The following TM2D2 variants were observed in gnomAD, a reference collection of about 807,000 sequenced individuals.
The protein encoded by TM2D2 is TM2 domain containing 2, also known as TM2 domain-containing protein 2.
Under a neutral mutation model 23.0 loss-of-function variants are expected in TM2D2, and 19 were observed. The observed-to-expected ratio is 0.82, with a 90% CI of 0.58 to 1.21. TM2D2 has a LOEUF of 1.21. Among genes scored for constraint, TM2D2 ranks in the 50% most tolerant of loss-of-function variants. The pLI is 0.00. For missense variants in TM2D2, 246 were observed against 265.4 expected, an observed-to-expected ratio of 0.93 and a Z score of 0.51; for synonymous variants, 120 against 108.8, an observed-to-expected ratio of 1.10 and a Z score of -0.64.
rs562768022 is a variant in TM2D2, at chr8:38,996,105, G to A, written c.227+108C>T. On this transcript the variant is annotated intron_variant, in intron 1 of 3. Coordinates refer to ENST00000456397, the MANE Select transcript of TM2D2 (RefSeq NM_078473.3). The stretch of plus-strand genomic sequence containing the variant: ...TTTGCCTCCGGAACGACCTCAGAGA[G>A]GCAGGGTCTGAAAAAATGCAGCGTC... The A allele has an allele frequency of 1.7e-5, 23 of 1,316,204 alleles. No homozygotes were observed. The South Asian group carries it at 2.9e-4, about 17-fold the overall frequency. The allele number at this position is 1,316,204 out of a possible 1,614,324, so 81.5% of individuals were successfully genotyped here. A position where few individuals can be genotyped will look rare whatever the true frequency, so the allele number is the denominator to read the frequency against.
chr8:38,995,845 G>A lies in TM2D2; in HGVS notation c.227+368C>T, dbSNP rs138485850. On this transcript the variant is annotated intron_variant, in intron 1 of 3. Transcript: ENST00000456397. ...TTTTTTAAAAGATGCCTTGTAGGCAGAGACAAGTCATTTACTCCATTTATG... is the reference window on the plus strand; with the variant it reads ...TTTTTTAAAAGATGCCTTGTAGGCAAAGACAAGTCATTTACTCCATTTATG... 19 of 1,158,582 alleles carry A rather than the reference G, an allele frequency of 1.6e-5. 1 individual carries two copies. The highest frequency in any genetic ancestry group is 6.8e-4 in the Middle Eastern group (2 of 2,932). The allele number at this position is 1,158,582 out of a possible 1,614,324, so 71.8% of individuals were successfully genotyped here.
At position 38,996,212 on chromosome 8, in the gene TM2D2, C is replaced by T. The variant is rs1472280855; in HGVS notation, c.227+1G>A. On this transcript the variant is annotated splice_donor_variant, in intron 1 of 3. Coordinates refer to ENST00000456397, the MANE Select transcript of TM2D2 (RefSeq NM_078473.3). LOFTEE classifies it high-confidence loss of function. The stretch of plus-strand genomic sequence containing the variant: ...ACCCGCCTCGACCACTGGTAGCTTA[C>T]AGGTAAGAGCAGAGGATGACCGGAG... 6.2e-7 allele frequency: 1 copy of T among 1,610,020 alleles called. No individual in the cohort carries two copies.
chr8:38,996,076 G>A, intron 1 of TM2D2, 137 bp downstream of exon 1: 3 of 1,059,474 alleles, frequency 2.8e-6, no homozygotes, highest in Non-Finnish European at 4.0e-6. Flanking sequence ...CCTGGTTCAT[G>A]ATATTTGCCT....
rs763781630 is a variant in TM2D2, at chr8:38,993,675, C to T, written c.316-15G>A. The T allele has an allele frequency of 9.4e-6, 15 of 1,597,974 alleles. No homozygotes were observed. Among genetic ancestry groups the T allele is most frequent in the Non-Finnish European group, 1.3e-5 (15 of 1,166,390 alleles). On this transcript the variant is annotated splice_polypyrimidine_tract_variant and intron_variant, in intron 2 of 3. Transcript: ENST00000456397. ...TGACCGCCGAACTGTGGAATAACAA[C>T]CAAGACCAAAACCAACTCACCAGAG...
At chr8:38,996,834 G>A (rs1835821227), upstream of TM2D2, 6 of 1,439,614 alleles carry the variant, frequency 4.2e-6, no homozygotes, top group Non-Finnish European at 4.5e-6. Flanking sequence ...CTATTCTCGC[G>A]CCGGGGACTG....
chr8:38,989,625 T>C lies in TM2D2; in HGVS notation c.*1707A>G, dbSNP rs1835545607. Reference sequence around the variant, plus strand: ...TTGCACCATTGCGCTGGCCCTAAAGTTTCTTATTTTTTAAAGAAAACAACT... The same window carrying C: ...TTGCACCATTGCGCTGGCCCTAAAGCTTCTTATTTTTTAAAGAAAACAACT... On this transcript the variant is annotated 3_prime_UTR_variant, in exon 4 of 4. Transcript: ENST00000456397. The C allele has an allele frequency of 6.6e-6, 1 of 152,168 alleles. No homozygotes were observed. Among genetic ancestry groups the C allele is most frequent in the African/African-American group, 2.4e-5 (1 of 41,426 alleles). 9.4% of individuals were successfully genotyped at this position (152,168 alleles called of 1,614,324 possible). A position where few individuals can be genotyped will look rare whatever the true frequency, so the allele number is the denominator to read the frequency against.
At chr8:38,992,458 C>A (rs1178210014) in intron 3 of TM2D2, among the ~76,000 whole-genome samples, 2 of 150,822 alleles carry the variant, frequency 1.3e-5, no homozygotes, top group African/African-American at 4.9e-5. Context: ...TACACTCCAG[C>A]CTGGGCAATG....
At chr8:38,992,513 A>G (rs1028926471) in intron 3 of TM2D2, among the ~76,000 whole-genome samples, 3 of 151,614 alleles carry the variant, frequency 2.0e-5, no homozygotes, top group Non-Finnish European at 2.9e-5. Context: ...GCATTTTTTT[A>G]TAATACACCC....
rs1835805816 is a variant in TM2D2 at position 38,996,501 on chromosome 8, C to G, written c.-62G>C. ...ACAACCCCAGGCCAGCAGCACAGAC[C>G]CAAGAACTGCGTGGTCAGGCCTTTC... is the stretch of plus-strand genomic sequence containing the variant. On this transcript the variant is annotated 5_prime_UTR_variant, in exon 1 of 4. Transcript: ENST00000456397. 6.3e-7 allele frequency: 1 copy of G among 1,595,978 alleles called. No homozygotes were observed. The highest frequency in any genetic ancestry group is 1.7e-5 in the Admixed American group (1 of 58,660).
intron 1 of TM2D2, 66 bp from the exon 2 acceptor site, chr8:38,995,471 C>G (rs770866861): frequency 6.3e-7 from 1 of 1,594,978 alleles, no homozygotes; most frequent in African/African-American, 1.4e-5. Context: ...TTTGCATGCA[C>G]GTAATCAAAA....
At chr8:38,992,391 T>C (rs1408541690) in intron 3 of TM2D2, among the ~76,000 whole-genome samples, 1 of 142,584 alleles carries the variant, frequency 7.0e-6, no homozygotes, top group Non-Finnish European at 1.5e-5. Context: ...GGTAGGAGGA[T>C]CGCTTGAGCC....
At position 38,996,467 on chromosome 8, in the gene TM2D2, G is replaced by T; in HGVS notation, c.-28C>A. 2.5e-6 allele frequency: 4 copies of T among 1,612,826 alleles called. No individual in the cohort carries two copies. Among genetic ancestry groups the T allele is most frequent in the Non-Finnish European group, 3.4e-6 (4 of 1,179,332 alleles). ...TCCCGGGCACAGGAGCGGAGACCCG[G>T]CCTCAACCACAACCCCAGGCCAGCA... On this transcript the variant is annotated 5_prime_UTR_variant, in exon 1 of 4. Coordinates refer to ENST00000456397, the MANE Select transcript of TM2D2 (RefSeq NM_078473.3).
chr8:38,991,913 C>A (rs577357279), intron 3 of TM2D2, among the ~76,000 whole-genome samples: 235 of 152,242 alleles, frequency 1.5e-3, no homozygotes, highest in African/African-American at 5.5e-3. Flanking sequence ...GTTTGAATAA[C>A]CTCAGCAGGC....
upstream of TM2D2, chr8:38,996,921 C>A: frequency 1.4e-6 from 2 of 1,394,314 alleles, no homozygotes; most frequent in Non-Finnish European, 1.9e-6. Context: ...GTCAGTGCCG[C>A]GCGCGTGCTC....
In TM2D2 at chr8:38,995,353, T is replaced by A; in HGVS notation, c.280A>T (p.Thr94Ser). The change falls in exon 2 of 4, where the codon ACT (threonine) becomes TCT (serine). Residue 94 changes from threonine to serine, a missense_variant. This residue lies in a region of TM2D2 where 212 missense variants were observed against 202.2 expected (regional missense o/e 1.05). Transcript: ENST00000456397. ...CCATAACCAAGTTCCTGGGATGCAG[T>A]TGCATTTCCAACATGATCCACTGGG... is the stretch of plus-strand genomic sequence containing the variant. ...EDPVDHVGNA[T>S]ASQELGYGCL... 6.2e-7 allele frequency: 1 copy of A among 1,605,696 alleles called. No homozygotes were observed. The highest frequency in any genetic ancestry group is 8.5e-7 in the Non-Finnish European group (1 of 1,177,466).
Position 38,989,745 on chromosome 8 carries a change from ATAATT to A in TM2D2, c.*1582_*1586del, listed in dbSNP as rs1396676317. The A allele has an allele frequency of 6.6e-6, 1 of 152,192 alleles. No homozygotes were observed. Among genetic ancestry groups the A allele is most frequent in the Admixed American group, 6.5e-5 (1 of 15,270 alleles). The allele number at this position is 152,192 out of a possible 1,614,324, so 9.4% of individuals were successfully genotyped here. ...GTAGCATCTTATTTTGGGTAATATT[ATAATT>A]TATGTTTTTTAGACTTCCCTTAGAA... On this transcript the variant is annotated 3_prime_UTR_variant, in exon 4 of 4. Coordinates refer to ENST00000456397, the MANE Select transcript of TM2D2 (RefSeq NM_078473.3).
Position 38,995,333 on chromosome 8 carries a change from A to C in TM2D2, c.300T>G (p.Gly100=), listed in dbSNP as rs1293354463. ...VGNATASQEL[G]YGCLKFGGQA... is the part of the protein sequence containing the mutation. ...AAAAACTCACCTTGAGACAACCATA[A>C]CCAAGTTCCTGGGATGCAGTTGCAT... The change falls in exon 2 of 4, where the codon GGT becomes GGG. Residue 100 remains glycine, a synonymous_variant. Transcript: ENST00000456397. The C allele has an allele frequency of 6.3e-7, 1 of 1,598,982 alleles. No homozygotes were observed. The highest frequency in any genetic ancestry group is 1.8e-5 in the Admixed American group (1 of 56,334).
upstream of TM2D2, chr8:38,996,510 G>C: frequency 1.9e-6 from 3 of 1,584,862 alleles, no homozygotes; most frequent in South Asian, 3.4e-5. Context: ...CCCAAGAACT[G>C]CGTGGTCAGG....
At chr8:38,991,630 A>G in intron 3 of TM2D2, 85 bp from the exon 4 acceptor site, 3 of 1,023,282 alleles carry the variant, frequency 2.9e-6, no homozygotes, top group Non-Finnish European at 4.5e-6. Flanking sequence ...GTAAGTGATG[A>G]GACAGTGCAG....
Sources: gnomAD v4.1 joint callset for allele counts (sites outside exome capture counted in the v4.1 genomes callset) on GRCh38, gnomAD v4.1.1 for gene constraint, gnomAD v4.1.1 regional missense constraint, MANE v1.5 for transcripts, NCBI Gene and HGNC (gene_info 2026-07-23, HGNC 2026-07-21) for gene names.